PCDHGB6: variants seen among roughly 807,000 people sequenced by gnomAD.
The protein encoded by PCDHGB6 is protocadherin gamma-B6.
In PCDHGB6, 51 loss-of-function variants were observed where a neutral mutation model predicts 59.1. The ratio of observed to expected loss-of-function variants is 0.86; its 90% CI spans 0.69 to 1.09. The LOEUF is 1.09. PCDHGB6 is among the 50% of genes least tolerant of loss of function. The pLI is 0.00. For synonymous variants in PCDHGB6, 466 were observed against 495.1 expected, an observed-to-expected ratio of 0.94 and a Z score of 0.78; for missense variants, 1,148 against 1,205.1, an observed-to-expected ratio of 0.95 and a Z score of 0.70.
Position 141,432,292 on chromosome 5 carries a change from T to C in PCDHGB6, c.2418+21672T>C, listed in dbSNP as rs1339412798. 2 of 1,614,078 alleles carry C rather than the reference T, an allele frequency of 1.2e-6. No individual in the cohort carries two copies. The highest frequency in any genetic ancestry group is 2.2e-5 in the East Asian group (1 of 44,888). On this transcript the variant is annotated intron_variant, in intron 1 of 3. Coordinates refer to ENST00000520790, the MANE Select transcript of PCDHGB6 (RefSeq NM_018926.3). The surrounding 1 kb of genome is among the most constrained non-coding windows in gnomAD (Gnocchi z 6.0). ...CCTACGTGTCCATCAACTCCGACAC[T>C]GGGGTACTGTATGCGCTGAGCTCCT...
In PCDHGB6 at chr5:141,490,639, C is replaced by T. The variant is rs1345892739; in HGVS notation, c.2419-4168C>T. 25 of 1,614,200 alleles carry T rather than the reference C, an allele frequency of 1.5e-5. No homozygotes were observed. Among genetic ancestry groups the T allele is most frequent in the East Asian group, 2.2e-5 (1 of 44,878 alleles). ...TTACACTGCTTACATCCTAGAAAAC[C>T]GGCCTCCGGGCTCCCTTCTTTGCAC... On this transcript the variant is annotated intron_variant, in intron 1 of 3. Transcript: ENST00000520790. This position sits in a 1 kb window ranked among gnomAD's most constrained non-coding sequence, Gnocchi z 5.4.
intron 1 of PCDHGB6, among the ~76,000 whole-genome samples, chr5:141,492,927 G>C (rs925569925): frequency 6.6e-6 from 1 of 152,180 alleles, no homozygotes; most frequent in Non-Finnish European, 1.5e-5. Context: ...AGCGATCTAG[G>C]GTCAGAGATT....
chr5:141,419,945 T>TTGGCCTTGATTTCTG (rs1205104698), intron 1 of PCDHGB6: 6 of 1,613,970 alleles, frequency 3.7e-6, no homozygotes, highest in Non-Finnish European at 4.2e-6. Flanking sequence ...GGTGGTGGCC[T>TTGGCCTTGATTTCTG]TGGCCTTGAT....
In PCDHGB6 at chr5:141,477,605, T is replaced by A. The variant is rs1339408637; in HGVS notation, c.2419-17202T>A. On this transcript the variant is annotated intron_variant, in intron 1 of 3. Transcript: ENST00000520790. This position sits in a 1 kb window ranked among gnomAD's most constrained non-coding sequence, Gnocchi z 4.9. ...GAATGCTCGGCTTTCTTTCTTTCTCTTGGAGCAAGGAGCTGAAACCGGGCT... is the reference window on the plus strand; with the variant it reads ...GAATGCTCGGCTTTCTTTCTTTCTCATGGAGCAAGGAGCTGAAACCGGGCT... The A allele has an allele frequency of 6.2e-6, 10 of 1,614,102 alleles. No individual in the cohort carries two copies. In the South Asian group the frequency reaches 1.1e-4, roughly 18 times the overall value.
intron 1 of PCDHGB6, chr5:141,414,156 T>TCTC (rs1462369810): frequency 6.2e-7 from 1 of 1,601,848 alleles, no homozygotes; most frequent in Admixed American, 1.7e-5. Flanking sequence ...AAGCAGAAGA[T>TCTC]GGAGGAGCAT....
rs778787749 is a variant in PCDHGB6, at chr5:141,408,699, CAATT to C, written c.500_503del (p.Ile167LysfsTer5). 5.6e-6 allele frequency: 9 copies of C among 1,613,534 alleles called. No individual in the cohort carries two copies. The highest frequency in any genetic ancestry group is 6.8e-6 in the Non-Finnish European group (8 of 1,179,644). On this transcript the variant is annotated frameshift_variant, in exon 1 of 4. Coordinates refer to ENST00000520790, the MANE Select transcript of PCDHGB6 (RefSeq NM_018926.3). LOFTEE classifies it high-confidence loss of function. Reference sequence around the variant, plus strand: ...ACGGATCCTGATATAAACATAAACTCAATTAAAGATTATAAGATAAACTCTAATC... The same window carrying C: ...ACGGATCCTGATATAAACATAAACTCAAAGATTATAAGATAAACTCTAATC...
intron 1 of PCDHGB6, among the ~76,000 whole-genome samples, chr5:141,447,405 T>C (rs1045202682): frequency 6.6e-6 from 1 of 152,068 alleles, no homozygotes; most frequent in Non-Finnish European, 1.5e-5. Context: ...CCCAAAGTGC[T>C]GGGATTACAG....
At position 141,409,826 on chromosome 5, in the gene PCDHGB6, C is replaced by T. The variant is rs565116840; in HGVS notation, c.1624C>T (p.Leu542Phe). 14 of 1,611,108 alleles carry T rather than the reference C, an allele frequency of 8.7e-6. No homozygotes were observed. The highest frequency in any genetic ancestry group is 1.3e-5 in the African/African-American group (1 of 75,000). Residue 542 changes from leucine (L) to phenylalanine (F), a missense_variant, in exon 1 of 4, where the codon CTC becomes TTC. Coordinates refer to ENST00000520790, the MANE Select transcript of PCDHGB6 (RefSeq NM_018926.3). ...LQARDHGSPT[L>F]SANVSLRVLV... ...GGCCCGCGACCACGGCTCGCCCACG[C>T]TCAGCGCCAACGTGAGCCTGCGCGT...
In PCDHGB6 at chr5:141,490,745, C is replaced by T. The variant is rs769031787; in HGVS notation, c.2419-4062C>T. 22 of 1,614,120 alleles carry T rather than the reference C, an allele frequency of 1.4e-5. No individual in the cohort carries two copies. Among genetic ancestry groups the T allele is most frequent in the Non-Finnish European group, 1.9e-5 (22 of 1,180,050 alleles). On this transcript the variant is annotated intron_variant, in intron 1 of 3. Transcript: ENST00000520790. The surrounding 1 kb of genome is among the most constrained non-coding windows in gnomAD (Gnocchi z 5.4). Reference sequence around the variant, plus strand: ...GTAGGAAATCAGGTTCAGGGAGCCCCAGCCTCCTCCTTTGTGTATGTCAAC... The same window carrying T: ...GTAGGAAATCAGGTTCAGGGAGCCCTAGCCTCCTCCTTTGTGTATGTCAAC...
chr5:141,433,305 C>T, intron 1 of PCDHGB6: 1 of 931,032 alleles, frequency 1.1e-6, no homozygotes, highest in Non-Finnish European at 1.6e-6. Flanking sequence ...GCAATTATCC[C>T]ACCTTTGCCT....
At chr5:141,473,988 G>T (rs1006988447) in intron 1 of PCDHGB6, among the ~76,000 whole-genome samples, 2 of 152,118 alleles carry the variant, frequency 1.3e-5, no homozygotes, top group Middle Eastern at 3.2e-3. Context: ...AGGATCCCTT[G>T]AGCCCAAGGA....
intron 1 of PCDHGB6, chr5:141,430,824 C>T: frequency 6.5e-7 from 1 of 1,547,704 alleles, no homozygotes; most frequent in Non-Finnish European, 8.7e-7. Flanking sequence ...CTCCTGGGGA[C>T]TCTGTGGGAG....
Position 141,491,611 on chromosome 5 carries a change from A to G in PCDHGB6, c.2419-3196A>G. The G allele has an allele frequency of 6.2e-7, 1 of 1,613,866 alleles. No individual in the cohort carries two copies. The highest frequency in any genetic ancestry group is 8.5e-7 in the Non-Finnish European group (1 of 1,180,018). Reference sequence around the variant, plus strand: ...GGACGGCAGTGACTTCACTTTTCTAAGACCCCTCAGCGTTCAGCAGCCCAC... The same window carrying G: ...GGACGGCAGTGACTTCACTTTTCTAGGACCCCTCAGCGTTCAGCAGCCCAC... On this transcript the variant is annotated intron_variant, in intron 1 of 3. Transcript: ENST00000520790. This position sits in a 1 kb window ranked among gnomAD's most constrained non-coding sequence, Gnocchi z 6.9.
At chr5:141,410,776 A>G (rs2095422946) in intron 1 of PCDHGB6, 156 bp downstream of exon 1, 7 of 919,622 alleles carry the variant, frequency 7.6e-6, no homozygotes, top group South Asian at 4.0e-5. Context: ...AGTTTTCACT[A>G]TGTATTTGGT....
chr5:141,478,378 G>C, intron 1 of PCDHGB6: 1 of 1,613,558 alleles, frequency 6.2e-7, no homozygotes, highest in Non-Finnish European at 8.5e-7. Flanking sequence ...TGATGTCGCC[G>C]CACCTTTACC....
At chr5:141,418,201 A>G (rs2096236241) in intron 1 of PCDHGB6, 1 of 1,614,020 alleles carries the variant, frequency 6.2e-7, no homozygotes, top group Non-Finnish European at 8.5e-7. Flanking sequence ...AAAATCCTTT[A>G]AATATTTTTC....
intron 2 of PCDHGB6, among the ~76,000 whole-genome samples, chr5:141,498,956 A>G (rs547381859): frequency 2.4e-5 from 3 of 124,058 alleles, no homozygotes; most frequent in African/African-American, 6.3e-5. Context: ...AAAAAGAGAG[A>G]GAGGGAGGGA....
intron 1 of PCDHGB6, among the ~76,000 whole-genome samples, chr5:141,460,050 C>T (rs1477206197): frequency 6.6e-6 from 1 of 152,064 alleles, no homozygotes; most frequent in Non-Finnish European, 1.5e-5. Context: ...TGCACTCCAG[C>T]CTGGGCAACA....
In PCDHGB6 at chr5:141,410,600, C is replaced by T; in HGVS notation, c.2398C>T (p.His800Tyr). Residue 800 changes from histidine (H) to tyrosine (Y), a missense_variant, in exon 1 of 4, where the codon CAT becomes TAT. By Grantham distance (83) the His-to-Tyr change is moderately conservative (BLOSUM62 2). Transcript: ENST00000520790. ...PPHGGEDLTS[H>Y]PETLTSQAPP... ...TCATGGTGGGGAGGATTTGACTTCA[C>T]ATCCTGAGACTCTGACTTCGGTGAG... 1 of 1,608,048 alleles carries T rather than the reference C, an allele frequency of 6.2e-7. No homozygotes were observed. Among genetic ancestry groups the T allele is most frequent in the Non-Finnish European group, 8.5e-7 (1 of 1,179,796 alleles).
Sources: gnomAD v4.1 joint callset for allele counts (sites outside exome capture counted in the v4.1 genomes callset) on GRCh38, gnomAD v4.1.1 for gene constraint, Gnocchi (gnomAD v3.1) non-coding constraint, MANE v1.5 for transcripts, NCBI Gene and HGNC (gene_info 2026-07-23, HGNC 2026-07-21) for gene names.